Variants in INPP5A observed in about 807,000 individuals in gnomAD.
INPP5A encodes 43 kDa inositol polyphosphate 5-phophatase.
Under a neutral mutation model 65.2 loss-of-function variants are expected in INPP5A, and 14 were observed. The observed-to-expected ratio is 0.21, with a 90% CI of 0.14 to 0.34. The LOEUF (loss-of-function observed/expected upper bound fraction) is 0.34, where lower values mean the gene tolerates loss of function less well. Among genes scored for constraint, INPP5A ranks in the 10% least tolerant of loss-of-function variants. INPP5A has a pLI of 1.00. For missense variants in INPP5A, 431 were observed against 545.6 expected, an observed-to-expected ratio of 0.79 and a Z score of 2.09; for synonymous variants, 207 against 208.3, an observed-to-expected ratio of 0.99 and a Z score of 0.05.
intron 1 of INPP5A, among the ~76,000 whole-genome samples, chr10:132,606,606 T>G (rs1445664143): frequency 6.6e-6 from 1 of 152,246 alleles, no homozygotes; most frequent in Non-Finnish European, 1.5e-5. Flanking sequence ...AAATTCAGTC[T>G]TCCTGCTTTT....
chr10:132,660,119 T>G (rs1412745780), intron 4 of INPP5A, among the ~76,000 whole-genome samples: 4 of 152,230 alleles, frequency 2.6e-5, no homozygotes, highest in Admixed American at 1.3e-4. Flanking sequence ...TAAATATTGA[T>G]TATTGATTTA....
intron 2 of INPP5A, among the ~76,000 whole-genome samples, chr10:132,640,992 C>T (rs890305665): frequency 3.3e-5 from 5 of 152,308 alleles, no homozygotes; most frequent in South Asian, 2.1e-4. Context: ...CAGCTTTCAT[C>T]GGGAGGCATG....
intron 2 of INPP5A, among the ~76,000 whole-genome samples, chr10:132,642,785 C>T (rs1222462663): frequency 6.6e-6 from 1 of 152,176 alleles, no homozygotes; most frequent in Non-Finnish European, 1.5e-5. Flanking sequence ...CCCAACTGTC[C>T]ATGTGGAGGG....
intron 4 of INPP5A, among the ~76,000 whole-genome samples, chr10:132,657,026 AAGAG>A (rs2072665642): frequency 6.6e-6 from 1 of 152,188 alleles, no homozygotes; most frequent in Non-Finnish European, 1.5e-5. Context: ...GGCGTTGAGG[AAGAG>A]AGAGTGAAGT....
intron 4 of INPP5A, among the ~76,000 whole-genome samples, chr10:132,677,114 G>A (rs563173893): frequency 6.6e-6 from 1 of 152,216 alleles, no homozygotes; most frequent in South Asian, 2.1e-4. Context: ...CATCACCCAG[G>A]CACCTGTCCT....
chr10:132,576,582 A>G (rs935076084), intron 1 of INPP5A, among the ~76,000 whole-genome samples: 1 of 152,228 alleles, frequency 6.6e-6, no homozygotes, highest in African/African-American at 2.4e-5. Context: ...CCTAAACTGC[A>G]CATGATATCA....
rs1405691982 is a variant in INPP5A at position 132,659,403 on chromosome 10, G to A, written c.306+8898G>A. 6.6e-6 allele frequency among the ~76,000 whole-genome samples: 1 copy of A among 152,216 alleles called. No individual in the cohort carries two copies. The highest frequency in any genetic ancestry group is 1.5e-5 in the Non-Finnish European group (1 of 68,036). On this transcript the variant is annotated intron_variant, in intron 4 of 15. Coordinates refer to ENST00000368594, the MANE Select transcript of INPP5A (RefSeq NM_005539.5). The surrounding 1 kb of genome is among the most constrained non-coding windows in gnomAD (Gnocchi z 5.5). ...CAGAGGGTTCCCTAGCTCTGGGTGA[G>A]GCGGGAGTGGTGGGCAGTGCTGGCC...
At chr10:132,608,205 C>G (rs926552341) in intron 2 of INPP5A, among the ~76,000 whole-genome samples, 4 of 152,234 alleles carry the variant, frequency 2.6e-5, no homozygotes, top group Admixed American at 6.5e-5. Flanking sequence ...GGCTCCCTCC[C>G]CGCTCCCCGC....
chr10:132,744,160 G>A (rs1285722722), intron 9 of INPP5A, among the ~76,000 whole-genome samples: 5 of 152,242 alleles, frequency 3.3e-5, no homozygotes, highest in South Asian at 2.1e-4. Flanking sequence ...GCTGGGAGTC[G>A]TAGCCTCAAG....
Position 132,663,186 on chromosome 10 carries a change from G to A in INPP5A, c.306+12681G>A, listed in dbSNP as rs11146453. Among the ~76,000 whole-genome samples, 1,124 of 152,270 alleles carry A rather than the reference G, an allele frequency of 7.4e-3. 22 individuals are homozygous for A. Among genetic ancestry groups the A allele is most frequent in the Non-Finnish European group, 9.3e-3 (636 of 68,034 alleles). On this transcript the variant is annotated intron_variant, in intron 4 of 15. Transcript: ENST00000368594. This position sits in a 1 kb window ranked among gnomAD's most constrained non-coding sequence, Gnocchi z 4.5. The stretch of plus-strand genomic sequence containing the variant: ...TTTTCCATTTTATATACACATATGC[G>A]TATGTTATATAAAATTGAAAAGACT...
chr10:132,688,634 CGTGTGCATGAGTGT>C (rs1297640816), intron 4 of INPP5A, among the ~76,000 whole-genome samples: 2 of 150,454 alleles, frequency 1.3e-5, no homozygotes, highest in South Asian at 4.2e-4. Flanking sequence ...CAAGTGCGTG[CGTGTGCATGAGTGT>C]GTGTGCAAGT....
chr10:132,775,264 A>G (rs991320563), intron 12 of INPP5A, among the ~76,000 whole-genome samples: 2 of 151,102 alleles, frequency 1.3e-5, no homozygotes, highest in Non-Finnish European at 3.0e-5. Context: ...GCACAGGAGT[A>G]CGATTGTTCG....
chr10:132,653,322 C>T (rs908708917), intron 4 of INPP5A, among the ~76,000 whole-genome samples: 6 of 152,160 alleles, frequency 3.9e-5, no homozygotes, highest in East Asian at 1.9e-4. Context: ...CCGAGGGCTG[C>T]GGCTGCCTCC....
rs2072037212 is a variant in INPP5A, at chr10:132,616,617, G to T, written c.117+8661G>T. 6.6e-6 allele frequency among the ~76,000 whole-genome samples: 1 copy of T among 152,024 alleles called. No individual in the cohort carries two copies. Among genetic ancestry groups the T allele is most frequent in the Non-Finnish European group, 1.5e-5 (1 of 67,992 alleles). ...CATGGGATGTGGTTTTGGGGTTGCA[G>T]TGGTGACATGGGACATGGTAGTGAC... On this transcript the variant is annotated intron_variant, in intron 2 of 15. Coordinates refer to ENST00000368594, the MANE Select transcript of INPP5A (RefSeq NM_005539.5). This position sits in a 1 kb window ranked among gnomAD's most constrained non-coding sequence, Gnocchi z 4.9.
At chr10:132,712,490 A>G (rs577619925) in intron 8 of INPP5A, among the ~76,000 whole-genome samples, 16 of 142,774 alleles carry the variant, frequency 1.1e-4, no homozygotes, top group Middle Eastern at 4.9e-3. Flanking sequence ...GTACATGTCT[A>G]TTTGGGTGTG....
chr10:132,580,931 T>C (rs1030489151), intron 1 of INPP5A, among the ~76,000 whole-genome samples: 1 of 152,228 alleles, frequency 6.6e-6, no homozygotes, highest in African/African-American at 2.4e-5. Context: ...AATATACAGA[T>C]CCTAAGTACA....
At chr10:132,570,221 A>G (rs2071324211) in intron 1 of INPP5A, among the ~76,000 whole-genome samples, 1 of 152,214 alleles carries the variant, frequency 6.6e-6, no homozygotes, top group African/African-American at 2.4e-5. Context: ...TGCTGGGATT[A>G]CAGGTGTGAG....
intron 13 of INPP5A, among the ~76,000 whole-genome samples, chr10:132,779,402 G>A (rs1424472081): frequency 1.3e-5 from 2 of 152,282 alleles, no homozygotes; most frequent in Non-Finnish European, 2.9e-5. Context: ...GCCATCCCCT[G>A]GGAAAACGTC....
In INPP5A at chr10:132,749,622, G is replaced by A. The variant is rs368760548; in HGVS notation, c.828+10G>A. The stretch of plus-strand genomic sequence containing the variant: ...GGACAACGACCGGAAGGTGAGCGGG[G>A]CCTGTGACTGGGCAGGTGACGCACG... On this transcript the variant is annotated intron_variant, in intron 10 of 15. Transcript: ENST00000368594. 3.2e-5 allele frequency: 52 copies of A among 1,611,982 alleles called. No homozygotes were observed. The highest frequency in any genetic ancestry group is 2.3e-4 in the Admixed American group (14 of 60,008).
Sources: gnomAD v4.1 joint callset for allele counts (sites outside exome capture counted in the v4.1 genomes callset) on GRCh38, gnomAD v4.1.1 for gene constraint, Gnocchi (gnomAD v3.1) non-coding constraint, MANE v1.5 for transcripts, NCBI Gene and HGNC (gene_info 2026-07-23, HGNC 2026-07-21) for gene names.